NSUN3: variants seen among roughly 807,000 people sequenced by gnomAD.
NSUN3 encodes NOP2/Sun RNA methyltransferase 3.
In NSUN3, 24 loss-of-function variants were observed where a neutral mutation model predicts 36.8. The observed-to-expected ratio is 0.65, with a 90% CI of 0.47 to 0.92. The LOEUF is 0.92. Ranked by LOEUF, NSUN3 falls within the 40% of genes least tolerant of loss-of-function variation. The pLI is 0.00. For synonymous variants in NSUN3, 146 were observed against 145.2 expected (o/e 1.01, Z -0.04); for missense variants, 381 against 392.8 (o/e 0.97, Z 0.25).
intron 5 of NSUN3, among the ~76,000 whole-genome samples, chr3:94,120,884 TC>T (rs1691291639): frequency 6.6e-6 from 1 of 152,186 alleles, no homozygotes; most frequent in Non-Finnish European, 1.5e-5. Context: ...ATTTTAATAA[TC>T]TAACATTTTT....
intron 2 of NSUN3, among the ~76,000 whole-genome samples, chr3:94,070,005 T>G (rs2077218884): frequency 6.6e-6 from 1 of 152,162 alleles, no homozygotes; most frequent in South Asian, 2.1e-4. Flanking sequence ...TTTTCTTTTG[T>G]TTCTTAGGAA....
chr3:94,073,730 T>A (rs1359115929), intron 2 of NSUN3, among the ~76,000 whole-genome samples: 1 of 152,210 alleles, frequency 6.6e-6, no homozygotes, highest in Non-Finnish European at 1.5e-5. Context: ...TTGCAAAAAT[T>A]TTCTCCCATT....
chr3:94,101,405 A>G (rs1421467831), intron 5 of NSUN3, among the ~76,000 whole-genome samples: 1 of 152,148 alleles, frequency 6.6e-6, no homozygotes, highest in African/African-American at 2.4e-5. Context: ...TAATGTAACT[A>G]GTTTTCTGGT....
At chr3:94,078,305 CTGTT>C (rs1270542818) in intron 2 of NSUN3, among the ~76,000 whole-genome samples, 5 of 152,292 alleles carry the variant, frequency 3.3e-5, no homozygotes, top group East Asian at 1.9e-4. Flanking sequence ...TTCTGAGAGA[CTGTT>C]TGTTATGATT....
chr3:94,102,131 A>G (rs2077368247), intron 5 of NSUN3, among the ~76,000 whole-genome samples: 1 of 151,100 alleles, frequency 6.6e-6, no homozygotes, highest in South Asian at 2.1e-4. Context: ...GAAAATTTGT[A>G]TAAATCATCC....
intron 5 of NSUN3, among the ~76,000 whole-genome samples, chr3:94,096,979 C>G (rs2077344130): frequency 6.6e-6 from 1 of 152,090 alleles, no homozygotes; most frequent in Non-Finnish European, 1.5e-5. Flanking sequence ...GACAGATCTG[C>G]CTCTGACTTC....
Position 94,084,137 on chromosome 3 carries a change from A to G in NSUN3, c.153A>G (p.Gln51=), listed in dbSNP as rs763342504. The change falls in exon 3 of 6, where the codon CAA becomes CAG. Residue 51 remains glutamine, a synonymous_variant. Transcript: ENST00000314622. ...REILTSPSCW[Q]YAVLLNRFNY... is the part of the protein sequence containing the mutation. Reference sequence around the variant, plus strand: ...TACTAACATCTCCATCATGCTGGCAATATGCTGTCCTGCTTAACCGATTCA... The same window carrying G: ...TACTAACATCTCCATCATGCTGGCAGTATGCTGTCCTGCTTAACCGATTCA... 3.5e-5 allele frequency: 57 copies of G among 1,614,002 alleles called. No individual in the cohort carries two copies. The highest frequency in any genetic ancestry group is 4.7e-5 in the Non-Finnish European group (56 of 1,179,950).
chr3:94,112,568 C>G (rs2077422197), intron 5 of NSUN3, among the ~76,000 whole-genome samples: 1 of 152,222 alleles, frequency 6.6e-6, no homozygotes, highest in Admixed American at 6.5e-5. Flanking sequence ...GCCTAATCTT[C>G]AACCTCACAA....
intron 5 of NSUN3, among the ~76,000 whole-genome samples, chr3:94,112,695 T>C (rs183430281): frequency 9.5e-4 from 144 of 152,322 alleles, no homozygotes; most frequent in African/African-American, 3.0e-3. Flanking sequence ...CGTAGTCATA[T>C]GGTTATGGTT....
chr3:94,069,938 ATTC>A (rs777181240), intron 2 of NSUN3, among the ~76,000 whole-genome samples: 7 of 152,166 alleles, frequency 4.6e-5, no homozygotes, highest in Non-Finnish European at 8.8e-5. Flanking sequence ...AAATTCAGTT[ATTC>A]TTGTGTACCA....
chr3:94,076,506 C>A (rs572985724), intron 2 of NSUN3: 1 of 787,848 alleles, frequency 1.3e-6, no homozygotes, highest in African/African-American at 1.7e-5. Context: ...ACTGTATGCC[C>A]TGTAAAGATG....
intron 3 of NSUN3, among the ~76,000 whole-genome samples, chr3:94,090,747 C>G (rs576008012): frequency 6.6e-6 from 1 of 152,090 alleles, no homozygotes; most frequent in East Asian, 1.9e-4. Flanking sequence ...CAGTGGGAAC[C>G]TTGAAGGTAA....
At chr3:94,094,965 C>G (rs988651151) in intron 4 of NSUN3, 68 bp from the exon 5 acceptor site, 22 of 1,538,356 alleles carry the variant, frequency 1.4e-5, no homozygotes, top group Non-Finnish European at 1.8e-5. Flanking sequence ...GAGAACTTCT[C>G]TATCTACTTC....
intron 2 of NSUN3, chr3:94,075,818 A>G (rs755803641): frequency 1.9e-5 from 17 of 911,202 alleles, no homozygotes; most frequent in Non-Finnish European, 2.6e-5. Context: ...GGATACCTGA[A>G]CAAAGTCTGT....
At chr3:94,117,059 T>C (rs146894995) in intron 5 of NSUN3, among the ~76,000 whole-genome samples, 1,967 of 143,386 alleles carry the variant, frequency 0.014, 46 homozygotes, top group African/African-American at 0.048. Flanking sequence ...AGTGCAGTGG[T>C]ATGATCTCGG....
chr3:94,084,470 G>T lies in NSUN3; in HGVS notation c.466+20G>T. On this transcript the variant is annotated intron_variant, in intron 3 of 5. Coordinates refer to ENST00000314622, the MANE Select transcript of NSUN3 (RefSeq NM_022072.5). The stretch of plus-strand genomic sequence containing the variant: ...GTCCAGGTAGTGTGCTTTCCTTTCA[G>T]TATTTGACAACTTTTTAATATCTGT... 1.3e-6 allele frequency: 2 copies of T among 1,556,922 alleles called. No individual in the cohort carries two copies. The highest frequency in any genetic ancestry group is 1.8e-6 in the Non-Finnish European group (2 of 1,142,330).
intron 3 of NSUN3, among the ~76,000 whole-genome samples, chr3:94,092,919 C>CAAAAAAAAAAAAA (rs1161530879): frequency 2.4e-4 from 6 of 24,638 alleles, no homozygotes; most frequent in East Asian, 1.6e-3. Flanking sequence ...GACTGCATCT[C>CAAAAAAAAAAAAA]AAAAAAAAAA....
At chr3:94,118,403 A>G (rs1232873768) in intron 5 of NSUN3, among the ~76,000 whole-genome samples, 3 of 152,204 alleles carry the variant, frequency 2.0e-5, no homozygotes, top group Non-Finnish European at 4.4e-5. Flanking sequence ...GTTAGTCATG[A>G]CATTTTTCTG....
intron 5 of NSUN3, among the ~76,000 whole-genome samples, chr3:94,097,166 A>G (rs573573046): frequency 2.6e-4 from 40 of 152,306 alleles, no homozygotes; most frequent in African/African-American, 9.6e-4. Context: ...TTAATTATAC[A>G]GGTAACACAT....
Sources: allele counts gnomAD v4.1 joint callset (sites outside exome capture counted in the v4.1 genomes callset), GRCh38; gene constraint gnomAD v4.1.1; transcripts MANE v1.5; gene names NCBI Gene and HGNC (gene_info 2026-07-23, HGNC 2026-07-21).